MICAL3: variants seen among roughly 807,000 people sequenced by gnomAD.
MICAL3 encodes [F-actin]-monooxygenase MICAL3.
Under a neutral mutation model 207.4 loss-of-function variants are expected in MICAL3, and 62 were observed. The observed-to-expected ratio is 0.30, with a 90% CI of 0.24 to 0.37. The LOEUF is 0.37. Among genes scored for constraint, MICAL3 ranks in the 10% least tolerant of loss-of-function variants. MICAL3 has a pLI of 1.00. For missense variants in MICAL3, 2,368 were observed against 2,635.6 expected, an observed-to-expected ratio of 0.90 and a Z score of 2.22; for synonymous variants, 1,077 against 1,069.3, an observed-to-expected ratio of 1.01 and a Z score of -0.14.
In MICAL3 at chr22:17,818,702, C is replaced by T. The variant is rs924273680; in HGVS notation, c.3959G>A (p.Arg1320Gln). The T allele has an allele frequency of 1.2e-5, 19 of 1,613,512 alleles. No homozygotes were observed. Among genetic ancestry groups the T allele is most frequent in the South Asian group, 4.4e-5 (4 of 91,040 alleles). The change falls in exon 26 of 32, where the codon CGG becomes CAG. Residue 1320 changes from arginine (R) to glutamine (Q), a missense_variant. Coordinates refer to ENST00000441493, the MANE Select transcript of MICAL3 (RefSeq NM_015241.3). ...CCAGAACTCCTCCACCAGGTCGCTC[C>T]GTCTGAGGGCCTCATCCACAGCAAG... Reference protein sequence around the residue: ...SPLAVDEALRRSDLVEEFWMK... With the variant: ...SPLAVDEALRQSDLVEEFWMK...
chr22:17,956,999 T>C (rs1411691578), intron 1 of MICAL3, among the ~76,000 whole-genome samples: 1 of 152,232 alleles, frequency 6.6e-6, no homozygotes, highest in African/African-American at 2.4e-5. Context: ...TGGGTCTTCC[T>C]GAAAGACTCC....
chr22:17,996,289 A>C (rs1922266188), intron 1 of MICAL3, among the ~76,000 whole-genome samples: 1 of 151,628 alleles, frequency 6.6e-6, no homozygotes, highest in Non-Finnish European at 1.5e-5. Flanking sequence ...AAAAAAATAC[A>C]GAAAATTAGC....
At chr22:17,855,231 G>C (rs143874126) in intron 19 of MICAL3, among the ~76,000 whole-genome samples, 1 of 152,334 alleles carries the variant, frequency 6.6e-6, no homozygotes, top group East Asian at 1.9e-4. Flanking sequence ...AGCCTGAGTA[G>C]ATCAGAATGT....
chr22:17,822,010 C>G lies in MICAL3; in HGVS notation c.3448+20G>C. 1 of 1,611,968 alleles carries G rather than the reference C, an allele frequency of 6.2e-7. No individual in the cohort carries two copies. The highest frequency in any genetic ancestry group is 8.5e-7 in the Non-Finnish European group (1 of 1,179,010). On this transcript the variant is annotated intron_variant, in intron 24 of 31. Transcript: ENST00000441493. ...CGTAGGAATTCTGAAAGTTGTTTCT[C>G]CCATCAAAGACAGGCTCACCTCTCT...
intron 17 of MICAL3, among the ~76,000 whole-genome samples, chr22:17,867,541 T>C (rs1419891712): frequency 6.6e-6 from 1 of 152,234 alleles, no homozygotes; most frequent in African/African-American, 2.4e-5. Flanking sequence ...CCTTCCTCCA[T>C]GAGACTGACA....
chr22:17,826,315 G>A (rs1922186395), intron 22 of MICAL3: 1 of 274,072 alleles, frequency 3.6e-6, no homozygotes, highest in African/African-American at 2.3e-5. Context: ...GTCTGGCAAG[G>A]CATGCAGGTA....
chr22:17,935,981 G>C lies in MICAL3; in HGVS notation c.-74-29095C>G, dbSNP rs577416132. On this transcript the variant is annotated intron_variant, in intron 1 of 31. Coordinates refer to ENST00000441493, the MANE Select transcript of MICAL3 (RefSeq NM_015241.3). ...GAACGCTTTTACACTGTTGGTGGGA[G>C]TGTAAATTGATTCAACCATTGTGGA... Among the ~76,000 whole-genome samples, 643 of 152,290 alleles carry C rather than the reference G, an allele frequency of 4.2e-3. 2 individuals are homozygous for C. The highest frequency in any genetic ancestry group is 0.015 in the African/African-American group (612 of 41,554).
At chr22:17,805,023 G>C (rs925864219) in intron 29 of MICAL3, among the ~76,000 whole-genome samples, 1 of 152,220 alleles carries the variant, frequency 6.6e-6, no homozygotes, top group Non-Finnish European at 1.5e-5. Context: ...CGGAGAACGG[G>C]ATGGCAGGTC....
At position 17,832,048 on chromosome 22, in the gene MICAL3, G is replaced by A; in HGVS notation, c.2861C>T (p.Pro954Leu). 3 of 1,600,940 alleles carry A rather than the reference G, an allele frequency of 1.9e-6. No homozygotes were observed. Among genetic ancestry groups the A allele is most frequent in the Non-Finnish European group, 2.6e-6 (3 of 1,174,118 alleles). The change falls in exon 21 of 32, where the codon CCC becomes CTC. Residue 954 changes from proline (P) to leucine (L), a missense_variant. Physicochemically the swap from Pro to Leu is moderately conservative, Grantham distance 98 (BLOSUM62 -3). This residue lies in a region of MICAL3 where 1,770 missense variants were observed against 1,863.2 expected (regional missense o/e 0.95). Coordinates refer to ENST00000441493, the MANE Select transcript of MICAL3 (RefSeq NM_015241.3). ...GEEEEEEPRL[P>L]PSDLGGVPWK... ...CGGAACACCACCCAGGTCAGATGGG[G>A]GCAGGCGAGGCTCCTCCTCCTCCTC...
chr22:17,836,414 G>T (rs982680190), intron 20 of MICAL3, among the ~76,000 whole-genome samples: 12 of 152,186 alleles, frequency 7.9e-5, no homozygotes, highest in African/African-American at 2.7e-4. Flanking sequence ...AGGAGAAGTC[G>T]GGATTCCCAC....
At chr22:17,967,500 ACACC>A (rs751749026) in intron 1 of MICAL3, among the ~76,000 whole-genome samples, 15,674 of 148,458 alleles carry the variant, frequency 0.11, 986 homozygotes, top group Middle Eastern at 0.17. Flanking sequence ...ACACCCACAC[ACACC>A]CACTCATGCC....
intron 16 of MICAL3, chr22:17,875,631 G>C: frequency 1.5e-6 from 1 of 657,452 alleles, no homozygotes; most frequent in Non-Finnish European, 2.4e-6. Flanking sequence ...CTGAACATAA[G>C]ATGGTTGTAG....
intron 29 of MICAL3, among the ~76,000 whole-genome samples, chr22:17,808,250 C>T (rs558086688): frequency 1.5e-4 from 23 of 152,382 alleles, no homozygotes; most frequent in African/African-American, 4.1e-4. Context: ...AGCCACTCCC[C>T]GGAGTCTGCT....
At chr22:18,007,910 G>A (rs537070518) in intron 1 of MICAL3, among the ~76,000 whole-genome samples, 1,209 of 107,084 alleles carry the variant, frequency 0.011, 8 homozygotes, top group Middle Eastern at 0.045. Context: ...ACGACAGAGC[G>A]AGACTCCATC....
chr22:17,962,506 T>C (rs1451462678), intron 1 of MICAL3, among the ~76,000 whole-genome samples: 1 of 152,172 alleles, frequency 6.6e-6, no homozygotes, highest in Admixed American at 6.5e-5. Flanking sequence ...ACCGCCTGAT[T>C]GCAGCCAGGA....
chr22:17,868,082 A>C (rs1056727657), intron 17 of MICAL3, among the ~76,000 whole-genome samples: 1 of 152,242 alleles, frequency 6.6e-6, no homozygotes, highest in Non-Finnish European at 1.5e-5. Flanking sequence ...CTAGGAAGGC[A>C]GTATAGATGA....
intron 1 of MICAL3, among the ~76,000 whole-genome samples, chr22:17,927,897 A>C (rs950171667): frequency 6.6e-6 from 1 of 152,094 alleles, no homozygotes; most frequent in Admixed American, 6.5e-5. Context: ...GGCTCCTACA[A>C]GACAGCAAGT....
chr22:18,015,317 T>C (rs1387385051), intron 1 of MICAL3, among the ~76,000 whole-genome samples: 2 of 152,146 alleles, frequency 1.3e-5, no homozygotes, highest in Non-Finnish European at 2.9e-5. Context: ...TTCTTCTACA[T>C]TCATTTCTTC....
In MICAL3 at chr22:17,897,096, C is replaced by G. The variant is rs1602171645; in HGVS notation, c.949-115G>C. Reference sequence around the variant, plus strand: ...TTCCCCCTAAAGTGACTCCACGTTCCAAAACCAAAACTTTTATACCATTAA... The same window carrying G: ...TTCCCCCTAAAGTGACTCCACGTTCGAAAACCAAAACTTTTATACCATTAA... On this transcript the variant is annotated intron_variant, in intron 7 of 31. Transcript: ENST00000441493. The G allele has an allele frequency of 2.6e-5, 30 of 1,157,670 alleles. 1 individual carries two copies. In the East Asian group the frequency reaches 6.6e-4, roughly 25 times the overall value. 71.7% of individuals were successfully genotyped at this position (1,157,670 alleles called of 1,614,324 possible). A position where few individuals can be genotyped will look rare whatever the true frequency, so the allele number is the denominator to read the frequency against.
Sources: allele counts gnomAD v4.1 joint callset (sites outside exome capture counted in the v4.1 genomes callset), GRCh38; gene constraint gnomAD v4.1.1; regional missense constraint gnomAD v4.1.1; transcripts MANE v1.5; gene names NCBI Gene and HGNC (gene_info 2026-07-23, HGNC 2026-07-21).